HERC4: variants seen among roughly 807,000 people sequenced by gnomAD.
HERC4 encodes HECT and RLD domain containing E3 ubiquitin protein ligase 4.
HERC4 carries 28 observed loss-of-function variants against 124.3 expected under a neutral mutation model. The ratio of observed to expected loss-of-function variants is 0.23; its 90% CI spans 0.17 to 0.31. HERC4 has a LOEUF of 0.31. Ranked by LOEUF, HERC4 falls within the 10% of genes least tolerant of loss-of-function variation. HERC4 has a pLI of 1.00. For synonymous variants in HERC4, 407 were observed against 421.5 expected (o/e 0.97, Z 0.42); for missense variants, 713 against 1,229.3 (o/e 0.58, Z 6.28).
At position 67,998,864 on chromosome 10, in the gene HERC4, C is replaced by T. The variant is rs140914390; in HGVS notation, c.1070-6182G>A. On this transcript the variant is annotated intron_variant, in intron 9 of 24. Coordinates refer to ENST00000373700, the MANE Select transcript of HERC4 (RefSeq NM_015601.4). ...AGCGATTCTCCTGCCTCAGCCCCAA[C>T]GAGCAGCTGGGACTACAGGTGTGCA... Among the ~76,000 whole-genome samples the T allele has an allele frequency of 4.8e-3, 723 of 152,082 alleles. 5 individuals carry two copies. Among genetic ancestry groups the T allele is most frequent in the African/African-American group, 0.015 (609 of 41,484 alleles).
rs145162895 is a variant in HERC4, at chr10:68,019,957, T to C, written c.908+5589A>G. On this transcript the variant is annotated intron_variant, in intron 8 of 24. Transcript: ENST00000373700. ...TCAAAGGGCTGATGCCTTTCTCTTTTTTTCTTCTACTCTCCTTCCACCCCC... is the reference window on the plus strand; with the variant it reads ...TCAAAGGGCTGATGCCTTTCTCTTTCTTTCTTCTACTCTCCTTCCACCCCC... 4.2e-3 allele frequency among the ~76,000 whole-genome samples: 643 copies of C among 152,336 alleles called. 5 individuals are homozygous for C. Among genetic ancestry groups the C allele is most frequent in the African/African-American group, 0.015 (613 of 41,570 alleles).
intron 23 of HERC4, among the ~76,000 whole-genome samples, chr10:67,930,194 T>G (rs1386858091): frequency 6.6e-6 from 1 of 152,132 alleles, no homozygotes; most frequent in Admixed American, 6.5e-5. Flanking sequence ...CTGAAGCACA[T>G]CTAAGTTGTT....
At chr10:68,040,489 T>G in intron 4 of HERC4, 1 of 734,868 alleles carries the variant, frequency 1.4e-6, no homozygotes, top group Non-Finnish European at 1.7e-6. Flanking sequence ...TAGAAAATAA[T>G]TAAATAAATT....
intron 16 of HERC4, among the ~76,000 whole-genome samples, chr10:67,963,909 A>C (rs1171975982): frequency 2.6e-5 from 4 of 152,190 alleles, no homozygotes; most frequent in African/African-American, 4.8e-5. Flanking sequence ...AGTCTTGCTG[A>C]GGGAAGGTTA....
At chr10:68,055,512 G>A (rs559863028) in intron 3 of HERC4, among the ~76,000 whole-genome samples, 4 of 152,020 alleles carry the variant, frequency 2.6e-5, no homozygotes, top group African/African-American at 7.2e-5. Context: ...TACAATTAAC[G>A]TATATAAAGA....
At position 68,063,267 on chromosome 10, in the gene HERC4, T is replaced by C. The variant is rs571373376; in HGVS notation, c.226+9616A>G. Among the ~76,000 whole-genome samples the C allele has an allele frequency of 3.3e-5, 5 of 152,272 alleles. No individual in the cohort carries two copies. The South Asian group carries it at 8.3e-4, about 25-fold the overall frequency. On this transcript the variant is annotated intron_variant, in intron 3 of 24. Transcript: ENST00000373700. ...CTCTGTAACCCAGGCTAGAGTGCAA[T>C]GGCATGATCTCAGCTCACTGCTACC... is the stretch of plus-strand genomic sequence containing the variant.
intron 7 of HERC4, among the ~76,000 whole-genome samples, chr10:68,026,352 TC>T (rs1366359150): frequency 6.6e-6 from 1 of 152,108 alleles, no homozygotes; most frequent in East Asian, 1.9e-4. Flanking sequence ...TGCCTTGGCT[TC>T]CCGAAGTGCT....
Position 68,003,230 on chromosome 10 carries a change from C to T in HERC4, c.1070-10548G>A, listed in dbSNP as rs147325513. Among the ~76,000 whole-genome samples, 532 of 151,784 alleles carry T rather than the reference C, an allele frequency of 3.5e-3. 6 individuals carry two copies. The highest frequency in any genetic ancestry group is 0.012 in the African/African-American group (508 of 41,372). On this transcript the variant is annotated intron_variant, in intron 9 of 24. Coordinates refer to ENST00000373700, the MANE Select transcript of HERC4 (RefSeq NM_015601.4). ...CGAGTGCAGTGGCTCACTTGGCTCA[C>T]TGCAAGCTCCGCCTCCCGGGTTCAT...
intron 20 of HERC4, 90 bp from the exon 21 acceptor site, chr10:67,939,744 C>G: frequency 2.0e-6 from 1 of 509,838 alleles, no homozygotes; most frequent in Non-Finnish European, 3.3e-6. Context: ...ATATATACTT[C>G]TCATTCCCTC....
chr10:68,066,654 A>C (rs1335875569), intron 3 of HERC4, among the ~76,000 whole-genome samples: 1 of 152,216 alleles, frequency 6.6e-6, no homozygotes, highest in African/African-American at 2.4e-5. Flanking sequence ...TCCAAGTTCC[A>C]AGGTTAGCCA....
chr10:68,056,746 A>G (rs1417300353), intron 3 of HERC4, among the ~76,000 whole-genome samples: 1 of 152,240 alleles, frequency 6.6e-6, no homozygotes, highest in Non-Finnish European at 1.5e-5. Flanking sequence ...GTCCAGAATG[A>G]AAACAAAGAA....
At chr10:68,044,265 C>A in intron 4 of HERC4, 139 bp downstream of exon 4, 1 of 695,404 alleles carries the variant, frequency 1.4e-6, no homozygotes, top group Non-Finnish European at 2.2e-6. Flanking sequence ...AAGCAAGAAC[C>A]AAACTCTTAT....
chr10:67,959,358 ATGAT>A (rs2034351876), intron 16 of HERC4, among the ~76,000 whole-genome samples: 1 of 152,276 alleles, frequency 6.6e-6, no homozygotes, highest in East Asian at 1.9e-4. Context: ...TGATCATAAA[ATGAT>A]TGAGGCTTGA....
chr10:67,937,342 A>T (rs1229556091), intron 21 of HERC4, among the ~76,000 whole-genome samples: 5 of 152,204 alleles, frequency 3.3e-5, no homozygotes, highest in Non-Finnish European at 7.4e-5. Flanking sequence ...ATTATTCTAC[A>T]AGCAATAAAG....
intron 3 of HERC4, among the ~76,000 whole-genome samples, chr10:68,044,990 T>C (rs1216772821): frequency 6.6e-6 from 1 of 152,152 alleles, no homozygotes; most frequent in Non-Finnish European, 1.5e-5. Context: ...CTGACACATA[T>C]ATTACAATGT....
At chr10:67,927,426 ATATATTTT>A (rs1266695823) in intron 23 of HERC4, among the ~76,000 whole-genome samples, 1 of 8,864 alleles carries the variant, frequency 1.1e-4, no homozygotes, top group African/African-American at 2.7e-4. Context: ...ATATATATAT[ATATATTTT>A]TTTTTTTTTT....
At chr10:68,060,485 C>T (rs926561534) in intron 3 of HERC4, among the ~76,000 whole-genome samples, 19 of 152,132 alleles carry the variant, frequency 1.2e-4, no homozygotes, top group African/African-American at 4.6e-4. Flanking sequence ...GTGATCCACC[C>T]GCCTCGACCT....
chr10:68,051,299 A>AT (rs2040286096), intron 3 of HERC4, among the ~76,000 whole-genome samples: 1 of 152,058 alleles, frequency 6.6e-6, no homozygotes, highest in Non-Finnish European at 1.5e-5. Context: ...ATTTAAAAAT[A>AT]TAAATACACA....
intron 22 of HERC4, among the ~76,000 whole-genome samples, chr10:67,935,397 G>A (rs1316806464): frequency 6.6e-6 from 1 of 152,010 alleles, no homozygotes; most frequent in African/African-American, 2.4e-5. Context: ...CGCCCGCCTC[G>A]GCCTCCCAGA....
Sources: allele counts gnomAD v4.1 joint callset (sites outside exome capture counted in the v4.1 genomes callset), GRCh38; gene constraint gnomAD v4.1.1; transcripts MANE v1.5; gene names NCBI Gene and HGNC (gene_info 2026-07-23, HGNC 2026-07-21).